The following PIGN variants were observed in gnomAD, a reference collection of about 807,000 sequenced individuals.
The protein encoded by PIGN is GPI ethanolamine phosphate transferase 1.
Under a neutral mutation model 125.4 loss-of-function variants are expected in PIGN, and 117 were observed. The ratio of observed to expected loss-of-function variants is 0.93; its 90% CI spans 0.80 to 1.09. PIGN has a LOEUF of 1.09. PIGN is among the 50% of genes least tolerant of loss of function. The pLI is 0.00. For missense variants in PIGN, 1,075 were observed against 1,094.9 expected, an observed-to-expected ratio of 0.98 and a Z score of 0.26; for synonymous variants, 392 against 377.8, an observed-to-expected ratio of 1.04 and a Z score of -0.44.
intron 23 of PIGN, among the ~76,000 whole-genome samples, chr18:62,094,804 G>A (rs907559883): frequency 2.0e-5 from 3 of 152,134 alleles, no homozygotes; most frequent in African/African-American, 7.2e-5. Flanking sequence ...GCCCACATCT[G>A]GTTAGGCAGG....
chr18:62,088,482 T>C (rs2033811568), intron 25 of PIGN: 1 of 189,986 alleles, frequency 5.3e-6, no homozygotes, highest in Non-Finnish European at 1.1e-5. Context: ...TGTTTTAACT[T>C]CTTAAAAACA....
chr18:62,181,454 A>C (rs2037712940), intron 1 of PIGN, among the ~76,000 whole-genome samples: 1 of 152,120 alleles, frequency 6.6e-6, no homozygotes, highest in Non-Finnish European at 1.5e-5. Context: ...AACAGTGCAA[A>C]ATCTAATAGC....
intron 15 of PIGN, 69 bp downstream of exon 15, chr18:62,114,492 T>C (rs2035010825): frequency 3.2e-6 from 3 of 935,426 alleles, no homozygotes; most frequent in Admixed American, 2.0e-5. Context: ...CCTACTTTGC[T>C]CTATTTTTCT....
chr18:62,031,458 G>T (rs1474866143), intron 23 of PIGN, among the ~76,000 whole-genome samples: 1 of 152,210 alleles, frequency 6.6e-6, no homozygotes, highest in Non-Finnish European at 1.5e-5. Flanking sequence ...GGAATAAAAA[G>T]TAGGGATGAA....
chr18:62,078,733 C>T (rs186686035), intron 28 of PIGN, among the ~76,000 whole-genome samples: 2 of 152,310 alleles, frequency 1.3e-5, no homozygotes, highest in South Asian at 2.1e-4. Context: ...TTTGAAGCTA[C>T]TGTGTACCTA....
chr18:62,109,054 T>C (rs1426461498), intron 17 of PIGN, among the ~76,000 whole-genome samples: 2 of 152,208 alleles, frequency 1.3e-5, no homozygotes, highest in Non-Finnish European at 2.9e-5. Flanking sequence ...TCATTGACTT[T>C]AGGGGTCTGG....
Position 62,147,118 on chromosome 18 carries a change from A to G in PIGN, c.675-17T>C. 6.3e-7 allele frequency: 1 copy of G among 1,578,240 alleles called. No homozygotes were observed. Among genetic ancestry groups the G allele is most frequent in the Non-Finnish European group, 8.6e-7 (1 of 1,159,984 alleles). The stretch of plus-strand genomic sequence containing the variant: ...TTGTAGTCTCTATTTGTAAAGAAAC[A>G]GAGGAACAAATTAAATTAATTTGGA... On this transcript the variant is annotated splice_polypyrimidine_tract_variant and intron_variant, in intron 8 of 30. Coordinates refer to ENST00000640252, the MANE Select transcript of PIGN (RefSeq NM_176787.5).
At chr18:62,059,486 T>C (rs189683851) in intron 30 of PIGN, among the ~76,000 whole-genome samples, 2 of 152,340 alleles carry the variant, frequency 1.3e-5, no homozygotes, top group East Asian at 3.9e-4. Context: ...TAAAGTACTT[T>C]TACATGCTGC....
intron 14 of PIGN, among the ~76,000 whole-genome samples, chr18:62,117,939 G>A (rs992288801): frequency 1.2e-4 from 18 of 151,910 alleles, no homozygotes; most frequent in African/African-American, 4.1e-4. Flanking sequence ...TATACAAGAC[G>A]CATCATGTAT....
At chr18:62,167,386 T>C (rs62096074) in intron 1 of PIGN, among the ~76,000 whole-genome samples, 87,551 of 149,170 alleles carry the variant, frequency 0.59, 26,417 homozygotes, top group East Asian at 0.79. Context: ...AATCCCAGCA[T>C]TTTGGGAGGC....
chr18:62,068,722 C>T (rs901689308), intron 30 of PIGN, among the ~76,000 whole-genome samples: 1 of 152,172 alleles, frequency 6.6e-6, no homozygotes, highest in African/African-American at 2.4e-5. Flanking sequence ...CAATACTGCT[C>T]TCTCTAGATT....
chr18:62,050,796 T>A (rs1457600838), intron 30 of PIGN, among the ~76,000 whole-genome samples: 2 of 151,858 alleles, frequency 1.3e-5, no homozygotes, highest in Admixed American at 6.6e-5. Flanking sequence ...AAAGGGAATG[T>A]TTCCAGTTTT....
At chr18:62,109,748 T>G (rs1347447726) in intron 17 of PIGN, 86 bp downstream of exon 17, 8 of 1,165,732 alleles carry the variant, frequency 6.9e-6, no homozygotes, top group Non-Finnish European at 8.5e-6. Flanking sequence ...ATTTGATGAC[T>G]TATGGTACAG....
At chr18:62,048,928 C>CA (rs1159798411) in intron 30 of PIGN, among the ~76,000 whole-genome samples, 15 of 150,260 alleles carry the variant, frequency 1.0e-4, no homozygotes, top group African/African-American at 3.7e-4. Context: ...GTTCAATTCC[C>CA]ACCTATGAGT....
chr18:62,049,487 T>C (rs898530453), intron 30 of PIGN, among the ~76,000 whole-genome samples: 28 of 152,114 alleles, frequency 1.8e-4, no homozygotes, highest in African/African-American at 6.7e-4. Flanking sequence ...GTTTTTTGGC[T>C]GCATAAATGT....
intron 27 of PIGN, 118 bp downstream of exon 27, chr18:62,084,413 T>C: frequency 1.6e-6 from 1 of 624,886 alleles, no homozygotes; most frequent in Middle Eastern, 4.0e-4. Flanking sequence ...ACCTCCAGTT[T>C]AGCAGTGCCA....
At chr18:62,150,806 TCTC>T (rs1200595379) in intron 7 of PIGN, among the ~76,000 whole-genome samples, 1 of 152,134 alleles carries the variant, frequency 6.6e-6, no homozygotes, top group Non-Finnish European at 1.5e-5. Context: ...TTCAAGCGAT[TCTC>T]CTGCCTCTCA....
At chr18:62,101,732 T>A (rs904962542) in intron 21 of PIGN, among the ~76,000 whole-genome samples, 1 of 152,240 alleles carries the variant, frequency 6.6e-6, no homozygotes, top group Non-Finnish European at 1.5e-5. Flanking sequence ...CCAAGCTCTA[T>A]TCTTGAGGAA....
In PIGN at chr18:62,113,028, G is replaced by A. The variant is rs2034939655; in HGVS notation, c.1434+106C>T. On this transcript the variant is annotated intron_variant, in intron 16 of 30. Transcript: ENST00000640252. ...ATAAAAGCAAATGAAAGATAAACAA[G>A]AGTTAGCTTAGAACAATGACTTGCA... is the stretch of plus-strand genomic sequence containing the variant. The A allele has an allele frequency of 7.8e-6, 6 of 768,330 alleles. No individual in the cohort carries two copies. In the East Asian group the frequency reaches 1.4e-4, roughly 18 times the overall value. 47.6% of individuals were successfully genotyped at this position (768,330 alleles called of 1,614,324 possible).
Sources: allele counts gnomAD v4.1 joint callset (sites outside exome capture counted in the v4.1 genomes callset), GRCh38; gene constraint gnomAD v4.1.1; transcripts MANE v1.5; gene names NCBI Gene and HGNC (gene_info 2026-07-23, HGNC 2026-07-21).